ERP44: variants seen among roughly 807,000 people sequenced by gnomAD.
The protein encoded by ERP44 is endoplasmic reticulum resident protein 44.
ERP44 carries 25 observed loss-of-function variants against 53.4 expected under a neutral mutation model. The ratio of observed to expected loss-of-function variants is 0.47; its 90% CI spans 0.34 to 0.65. The LOEUF is 0.65. Among genes scored for constraint, ERP44 ranks in the 30% least tolerant of loss-of-function variants. The pLI is 0.01. For synonymous variants in ERP44, 145 were observed against 161.2 expected (o/e 0.90, Z 0.76); for missense variants, 338 against 493.2 (o/e 0.69, Z 2.98).
At chr9:100,073,974 T>C (rs1826331704) in intron 1 of ERP44, among the ~76,000 whole-genome samples, 1 of 152,252 alleles carries the variant, frequency 6.6e-6, no homozygotes, top group African/African-American at 2.4e-5. Context: ...AACAAATTAA[T>C]GTATCCCAGT....
At chr9:100,053,428 C>T (rs1025084539) in intron 3 of ERP44, among the ~76,000 whole-genome samples, 2 of 152,136 alleles carry the variant, frequency 1.3e-5, no homozygotes, top group Admixed American at 6.5e-5. Context: ...TGGTGTTTAA[C>T]GACAGGGATA....
intron 1 of ERP44, among the ~76,000 whole-genome samples, chr9:100,070,153 C>T (rs1368173448): frequency 1.3e-5 from 2 of 152,214 alleles, no homozygotes; most frequent in Non-Finnish European, 1.5e-5. Flanking sequence ...GACCATTCTA[C>T]TTTGTGCTGC....
Position 99,982,565 on chromosome 9 carries a change from T to G in ERP44, c.*47A>C. ...ATATAGGTTTACTATTTCCACCACGTAGGTTGATGCTGCTGTTGAAAGGCT... is the reference window on the plus strand; with the variant it reads ...ATATAGGTTTACTATTTCCACCACGGAGGTTGATGCTGCTGTTGAAAGGCT... On this transcript the variant is annotated 3_prime_UTR_variant, in exon 12 of 12. Transcript: ENST00000262455. 1 of 883,496 alleles carries G rather than the reference T, an allele frequency of 1.1e-6. No individual in the cohort carries two copies. The highest frequency in any genetic ancestry group is 1.7e-5 in the African/African-American group (1 of 58,462). The allele number at this position is 883,496 out of a possible 1,614,324, so 54.7% of individuals were successfully genotyped here. A position where few individuals can be genotyped will look rare whatever the true frequency, so the allele number is the denominator to read the frequency against.
Position 100,006,515 on chromosome 9 carries a change from T to C in ERP44, c.1007A>G (p.Lys336Arg). 1.2e-6 allele frequency: 2 copies of C among 1,603,810 alleles called. No homozygotes were observed. The highest frequency in any genetic ancestry group is 1.7e-6 in the Non-Finnish European group (2 of 1,176,390). ...FRHMYVFGDF[K>R]DVLIPGKLKQ... ...CAAAATGAATACTCACAATACATCT[T>C]TGAAGTCTCCAAACACATACATATG... Residue 336 changes from lysine to arginine, a missense_variant, in exon 10 of 12, where the codon AAA (lysine) becomes AGA (arginine). By Grantham distance (26) the Lys-to-Arg change is conservative. Around this residue, in one of 3 missense-constraint regions of ERP44, gnomAD observed 113 missense variants for 172.6 expected, o/e 0.65. Coordinates refer to ENST00000262455, the MANE Select transcript of ERP44 (RefSeq NM_015051.3).
chr9:100,067,126 T>TA (rs1826218575), intron 1 of ERP44, among the ~76,000 whole-genome samples: 1 of 152,112 alleles, frequency 6.6e-6, no homozygotes, highest in South Asian at 2.1e-4. Context: ...AGCCTGTCTC[T>TA]AAAAAAACCA....
intron 9 of ERP44, 93 bp downstream of exon 9, chr9:100,007,485 T>C: frequency 1.4e-6 from 1 of 713,234 alleles, no homozygotes; most frequent in South Asian, 1.6e-5. Flanking sequence ...AATATGTTTA[T>C]GTGATTTGAC....
intron 1 of ERP44, among the ~76,000 whole-genome samples, chr9:100,093,441 C>G (rs970798287): frequency 2.0e-5 from 3 of 152,128 alleles, no homozygotes; most frequent in Admixed American, 2.0e-4. Context: ...CCCAGGAGTT[C>G]GAGACCAGCC....
At position 99,979,995 on chromosome 9, in the gene ERP44, A is replaced by G. The variant is rs2118589421; in HGVS notation, c.*2617T>C. On this transcript the variant is annotated 3_prime_UTR_variant, in exon 12 of 12. Coordinates refer to ENST00000262455, the MANE Select transcript of ERP44 (RefSeq NM_015051.3). ...TCTTTTTCTAGCTTCCCCAACCCCA[A>G]ATGCCTTACTAAAAGAACTTTTTTC... 1 of 398,416 alleles carries G rather than the reference A, an allele frequency of 2.5e-6. No individual in the cohort carries two copies. The highest frequency in any genetic ancestry group is 3.6e-5 in the East Asian group (1 of 28,064). The allele number at this position is 398,416 out of a possible 1,614,324, so 24.7% of individuals were successfully genotyped here.
At chr9:100,053,740 A>G (rs561272338) in intron 3 of ERP44, among the ~76,000 whole-genome samples, 4 of 152,198 alleles carry the variant, frequency 2.6e-5, no homozygotes, top group Non-Finnish European at 5.9e-5. Flanking sequence ...AATTAAAGGG[A>G]CCCAATAAGA....
chr9:100,031,903 T>G (rs1353003500), intron 4 of ERP44, among the ~76,000 whole-genome samples: 1 of 152,168 alleles, frequency 6.6e-6, no homozygotes, highest in Non-Finnish European at 1.5e-5. Flanking sequence ...TTATCTGACG[T>G]TTTTGACTTT....
chr9:99,995,464 A>G (rs2118614001), intron 10 of ERP44, among the ~76,000 whole-genome samples: 1 of 152,320 alleles, frequency 6.6e-6, no homozygotes, highest in South Asian at 2.1e-4. Context: ...CATTAGCTGT[A>G]GGTCCTTTAT....
chr9:100,007,993 A>G (rs1271521566), intron 8 of ERP44, among the ~76,000 whole-genome samples: 1 of 152,194 alleles, frequency 6.6e-6, no homozygotes, highest in Non-Finnish European at 1.5e-5. Flanking sequence ...TAGGCTGTTG[A>G]ATTCATGACA....
intron 1 of ERP44, among the ~76,000 whole-genome samples, chr9:100,093,644 G>T (rs74529214): frequency 7.5e-5 from 11 of 147,158 alleles, no homozygotes; most frequent in Admixed American, 7.4e-4. Context: ...CCCTGTCTGT[G>T]GGGGGGGAAA....
chr9:100,005,650 A>G (rs1423218614), intron 10 of ERP44, among the ~76,000 whole-genome samples: 4 of 152,182 alleles, frequency 2.6e-5, no homozygotes, highest in African/African-American at 9.6e-5. Flanking sequence ...CCAAGGCTGG[A>G]CTCAAATCTA....
At chr9:100,012,629 A>G (rs1830486654) in intron 8 of ERP44, among the ~76,000 whole-genome samples, 1 of 152,230 alleles carries the variant, frequency 6.6e-6, no homozygotes, top group South Asian at 2.1e-4. Context: ...TGGAAAAGGT[A>G]TACCAAAAAT....
chr9:100,097,705 CA>C (rs989136298), intron 1 of ERP44, among the ~76,000 whole-genome samples: 1 of 152,174 alleles, frequency 6.6e-6, no homozygotes. Context: ...GTCCAAGTGA[CA>C]AAAGAAAAGA....
intron 1 of ERP44, among the ~76,000 whole-genome samples, chr9:100,091,139 T>A (rs947776699): frequency 1.3e-5 from 2 of 152,226 alleles, no homozygotes; most frequent in African/African-American, 4.8e-5. Context: ...GCAATGTTCG[T>A]GTCTACAAAT....
intron 1 of ERP44, among the ~76,000 whole-genome samples, chr9:100,075,268 T>C (rs1236869974): frequency 6.6e-6 from 1 of 152,234 alleles, no homozygotes; most frequent in African/African-American, 2.4e-5. Context: ...AGATGTGGTT[T>C]CATTACTTGA....
At chr9:99,984,883 G>T in intron 11 of ERP44, 84 bp downstream of exon 11, 3 of 722,140 alleles carry the variant, frequency 4.2e-6, no homozygotes, top group South Asian at 1.8e-5. Flanking sequence ...AGCTCAAGCT[G>T]ATGCAAGAAC....
Sources: allele counts gnomAD v4.1 joint callset (sites outside exome capture counted in the v4.1 genomes callset), GRCh38; gene constraint gnomAD v4.1.1; regional missense constraint gnomAD v4.1.1; transcripts MANE v1.5; gene names NCBI Gene and HGNC (gene_info 2026-07-23, HGNC 2026-07-21).